CPNE4: variants seen among roughly 807,000 people sequenced by gnomAD.
CPNE4 encodes copine 4, also known as copine-4.
Under a neutral mutation model 67.9 loss-of-function variants are expected in CPNE4, and 25 were observed. The observed-to-expected ratio is 0.37, with a 90% CI of 0.27 to 0.51. CPNE4 has a LOEUF of 0.51. Among genes scored for constraint, CPNE4 ranks in the 20% least tolerant of loss-of-function variants. The probability of loss-of-function intolerance (pLI) is 0.93; values close to 1 mark genes in which losing one functional copy is unlikely to be tolerated. For missense variants in CPNE4, 464 were observed against 690.8 expected (o/e 0.67, Z 3.68); for synonymous variants, 242 against 244.9 (o/e 0.99, Z 0.11).
chr3:131,765,409 T>A (rs1175621305), intron 2 of CPNE4, among the ~76,000 whole-genome samples: 1 of 152,132 alleles, frequency 6.6e-6, no homozygotes, highest in Non-Finnish European at 1.5e-5. Flanking sequence ...CTAATGGCGT[T>A]GCTTATCAAG....
intron 7 of CPNE4, among the ~76,000 whole-genome samples, chr3:131,657,328 G>A (rs2079996583): frequency 6.6e-6 from 1 of 152,022 alleles, no homozygotes; most frequent in Non-Finnish European, 1.5e-5. Flanking sequence ...AATGCTCTTG[G>A]AGAACTTTTA....
At chr3:131,866,282 A>G (rs567350453) in intron 2 of CPNE4, among the ~76,000 whole-genome samples, 1 of 152,298 alleles carries the variant, frequency 6.6e-6, no homozygotes, top group South Asian at 2.1e-4. Context: ...TTTTTCTTTT[A>G]ACAGGAATTC....
At chr3:132,029,074 C>T (rs2074182339) in intron 1 of CPNE4, among the ~76,000 whole-genome samples, 1 of 152,088 alleles carries the variant, frequency 6.6e-6, no homozygotes, top group Admixed American at 6.6e-5. Context: ...GATCCTAATA[C>T]TCGGGTTAAG....
chr3:131,561,628 G>C (rs1936771473), intron 11 of CPNE4, among the ~76,000 whole-genome samples: 1 of 151,962 alleles, frequency 6.6e-6, no homozygotes, highest in African/African-American at 2.4e-5. Context: ...GAAAACTCTT[G>C]GCTGCCAGAA....
At chr3:131,604,680 C>T (rs1179294542) in intron 7 of CPNE4, among the ~76,000 whole-genome samples, 4 of 152,100 alleles carry the variant, frequency 2.6e-5, no homozygotes, top group Admixed American at 6.5e-5. Flanking sequence ...TTTTGGAACT[C>T]GGACTGGCTC....
rs1037601869 is a variant in CPNE4, at chr3:132,034,632, A to C, written c.-67T>G. On this transcript the variant is annotated 5_prime_UTR_variant, in exon 1 of 16. Coordinates refer to ENST00000429747, the MANE Select transcript of CPNE4 (RefSeq NM_130808.3). ...CCGGGACGAGGTCTGTCCCGCCCCC[A>C]GGATGCAAAATCCGGCTTTGAAGTG... The C allele has an allele frequency of 4.1e-6, 4 of 985,358 alleles. No homozygotes were observed. The South Asian group carries it at 1.9e-4, about 46-fold the overall frequency. 61.0% of individuals were successfully genotyped at this position (985,358 alleles called of 1,614,324 possible). A position where few individuals can be genotyped will look rare whatever the true frequency, so the allele number is the denominator to read the frequency against.
chr3:132,020,069 A>G (rs1435501181), intron 1 of CPNE4, among the ~76,000 whole-genome samples: 1 of 152,206 alleles, frequency 6.6e-6, no homozygotes, highest in Non-Finnish European at 1.5e-5. Context: ...TGCCAGTGTC[A>G]GTCCCATCCT....
In CPNE4 at chr3:132,006,371, T is replaced by C. The variant is rs566507961; in HGVS notation, c.-2+28196A>G. On this transcript the variant is annotated intron_variant, in intron 1 of 15. Coordinates refer to ENST00000429747, the MANE Select transcript of CPNE4 (RefSeq NM_130808.3). ...ATTGCGAAGAAATCAAGCATATAAC[T>C]TGAAAATAGGAATCTTTCTTACTCC... is the stretch of plus-strand genomic sequence containing the variant. 2.0e-5 allele frequency among the ~76,000 whole-genome samples: 3 copies of C among 152,210 alleles called. No individual in the cohort carries two copies. The South Asian group carries it at 6.2e-4, about 32-fold the overall frequency.
At chr3:131,616,559 G>C (rs1171497069) in intron 7 of CPNE4, among the ~76,000 whole-genome samples, 4 of 152,188 alleles carry the variant, frequency 2.6e-5, no homozygotes, top group African/African-American at 4.8e-5. Context: ...CCTATGAAAA[G>C]TTCCTAGTGA....
intron 11 of CPNE4, among the ~76,000 whole-genome samples, chr3:131,561,303 C>G (rs1348892472): frequency 6.6e-6 from 1 of 151,756 alleles, no homozygotes. Flanking sequence ...GATACAGGAG[C>G]TGGAGAAGTG....
chr3:131,783,708 A>G (rs978516914), intron 2 of CPNE4, among the ~76,000 whole-genome samples: 2 of 152,054 alleles, frequency 1.3e-5, no homozygotes, highest in South Asian at 4.1e-4. Context: ...CAAAGCCAGC[A>G]CCATCTGACT....
intron 1 of CPNE4, among the ~76,000 whole-genome samples, chr3:131,913,408 A>C (rs1483294291): frequency 2.0e-5 from 3 of 152,210 alleles, no homozygotes; most frequent in Non-Finnish European, 4.4e-5. Context: ...TCAAATGAGC[A>C]TGCATACAAC....
chr3:131,641,978 T>C (rs1247318143), intron 7 of CPNE4, among the ~76,000 whole-genome samples: 1 of 152,022 alleles, frequency 6.6e-6, no homozygotes, highest in Non-Finnish European at 1.5e-5. Context: ...GGCATAAGAA[T>C]AATACATTGG....
At chr3:131,936,675 C>A (rs1329712514) in intron 1 of CPNE4, among the ~76,000 whole-genome samples, 6 of 151,614 alleles carry the variant, frequency 4.0e-5, no homozygotes, top group African/African-American at 1.5e-4. Context: ...ACAGACAAAG[C>A]ATAGTTCTTA....
chr3:131,614,949 C>T (rs187163568), intron 7 of CPNE4, among the ~76,000 whole-genome samples: 98 of 152,090 alleles, frequency 6.4e-4, no homozygotes, highest in Non-Finnish European at 1.1e-3. Flanking sequence ...ATAGAGTCTC[C>T]CTGGGGTCTT....
intron 13 of CPNE4, 95 bp downstream of exon 13, chr3:131,552,345 G>GT: frequency 9.7e-7 from 1 of 1,027,232 alleles, no homozygotes; most frequent in South Asian, 1.4e-5. Context: ...GTGGACAATC[G>GT]TAACTAATAT....
At chr3:132,000,424 C>T (rs921349335) in intron 1 of CPNE4, among the ~76,000 whole-genome samples, 1 of 151,772 alleles carries the variant, frequency 6.6e-6, no homozygotes, top group African/African-American at 2.4e-5. Flanking sequence ...TAAAACAGAG[C>T]ACAAAATTTC....
At chr3:131,965,552 A>C (rs1436410389) in intron 1 of CPNE4, among the ~76,000 whole-genome samples, 1 of 134,324 alleles carries the variant, frequency 7.4e-6, no homozygotes, top group Non-Finnish European at 1.7e-5. Flanking sequence ...AATGGAAAAC[A>C]AAAAACATCA....
intron 9 of CPNE4, among the ~76,000 whole-genome samples, chr3:131,576,868 G>C (rs72999214): frequency 0.013 from 2,020 of 152,126 alleles, 34 homozygotes; most frequent in African/African-American, 0.046. Flanking sequence ...CTGACCCTAG[G>C]GGCATATAAG....
Sources: gnomAD v4.1 joint callset for allele counts (sites outside exome capture counted in the v4.1 genomes callset) on GRCh38, gnomAD v4.1.1 for gene constraint, MANE v1.5 for transcripts, NCBI Gene and HGNC (gene_info 2026-07-23, HGNC 2026-07-21) for gene names.